The following MAMDC2 variants were observed in gnomAD, a reference collection of about 807,000 sequenced individuals.
MAMDC2 encodes the protein MAM domain containing 2.
Under a neutral mutation model 89.8 loss-of-function variants are expected in MAMDC2, and 57 were observed. That is an observed-to-expected ratio of 0.63 (90% CI 0.51 to 0.79). The LOEUF (loss-of-function observed/expected upper bound fraction) is 0.79, where lower values mean the gene tolerates loss of function less well. Among genes scored for constraint, MAMDC2 ranks in the 30% least tolerant of loss-of-function variants. The pLI, the probability that MAMDC2 is intolerant of heterozygous loss-of-function variation, is 0.00. For missense variants in MAMDC2, 800 were observed against 820.6 expected, an observed-to-expected ratio of 0.97 and a Z score of 0.31; for synonymous variants, 313 against 293.4, an observed-to-expected ratio of 1.07 and a Z score of -0.68.
At chr9:70,162,846 T>C (rs1258701731) in intron 9 of MAMDC2, among the ~76,000 whole-genome samples, 1 of 149,930 alleles carries the variant, frequency 6.7e-6, no homozygotes, top group African/African-American at 2.5e-5. Flanking sequence ...TCTGACCCCT[T>C]GGACTAACAC....
intron 11 of MAMDC2, 147 bp downstream of exon 11, chr9:70,170,778 G>A: frequency 1.5e-6 from 1 of 677,660 alleles, no homozygotes; most frequent in Non-Finnish European, 2.3e-6. Context: ...AGGATGATTT[G>A]ATATGGGCAT....
At chr9:70,190,206 C>G (rs1262438919) in intron 11 of MAMDC2, among the ~76,000 whole-genome samples, 1 of 152,086 alleles carries the variant, frequency 6.6e-6, no homozygotes, top group Non-Finnish European at 1.5e-5. Flanking sequence ...TACAGTTTTA[C>G]AGATTCTTCT....
intron 6 of MAMDC2, among the ~76,000 whole-genome samples, chr9:70,128,791 G>T (rs1479180445): frequency 6.6e-6 from 1 of 152,058 alleles, no homozygotes; most frequent in African/African-American, 2.4e-5. Flanking sequence ...CAAGTAGTTG[G>T]GACTACAGGC....
chr9:70,121,195 C>T (rs1051969984), intron 5 of MAMDC2, among the ~76,000 whole-genome samples: 4 of 152,212 alleles, frequency 2.6e-5, no homozygotes, highest in African/African-American at 9.7e-5. Flanking sequence ...AGTTCTTTCC[C>T]TAATGCAAGG....
chr9:70,159,166 TA>T (rs768713793), intron 9 of MAMDC2, among the ~76,000 whole-genome samples: 2 of 152,152 alleles, frequency 1.3e-5, no homozygotes, highest in Non-Finnish European at 2.9e-5. Flanking sequence ...CACAATGTTT[TA>T]ATAACAATTT....
intron 10 of MAMDC2, 172 bp from the exon 11 acceptor site, chr9:70,170,307 T>A: frequency 1.9e-6 from 1 of 539,624 alleles, no homozygotes; most frequent in East Asian, 3.2e-5. Flanking sequence ...CGCAGTGGAA[T>A]GCAGCCTCTA....
chr9:70,122,338 G>A (rs1487792122), intron 5 of MAMDC2, among the ~76,000 whole-genome samples: 2 of 152,196 alleles, frequency 1.3e-5, no homozygotes, highest in Admixed American at 6.5e-5. Flanking sequence ...CTGAGCACAA[G>A]TTGCTAGTGA....
In MAMDC2 at chr9:70,226,191, C is replaced by T. The variant is rs2118709964; in HGVS notation, c.*159C>T. The T allele has an allele frequency of 2.1e-6, 1 of 468,128 alleles. No homozygotes were observed. Among genetic ancestry groups the T allele is most frequent in the East Asian group, 3.5e-5 (1 of 28,714 alleles). The allele number at this position is 468,128 out of a possible 1,614,324, so 29.0% of individuals were successfully genotyped here. On this transcript the variant is annotated 3_prime_UTR_variant, in exon 14 of 14. Transcript: ENST00000377182. ...TTACTTTTGCAAAAACATACTGACT[C>T]AGGGCTCTTTTTTTCTTTTTGCATA...
At chr9:70,133,546 C>T (rs1248287870) in intron 7 of MAMDC2, among the ~76,000 whole-genome samples, 1 of 152,204 alleles carries the variant, frequency 6.6e-6, no homozygotes, top group Non-Finnish European at 1.5e-5. Context: ...TCCCACTATG[C>T]CAGCTTGGCT....
intron 11 of MAMDC2, chr9:70,188,757 A>G (rs2032814210): frequency 7.0e-5 from 5 of 71,622 alleles, no homozygotes; most frequent in East Asian, 5.7e-4. Context: ...TGATCAAAAC[A>G]ATTGATTTTT....
chr9:70,106,708 G>A (rs1158533230), intron 2 of MAMDC2, among the ~76,000 whole-genome samples: 1 of 152,202 alleles, frequency 6.6e-6, no homozygotes, highest in Non-Finnish European at 1.5e-5. Flanking sequence ...AAGGGTGCCT[G>A]GGTTGGCATC....
In MAMDC2 at chr9:70,180,227, G is replaced by A. The variant is rs1038160938; in HGVS notation, c.1651+9596G>A. 5.9e-5 allele frequency among the ~76,000 whole-genome samples: 9 copies of A among 152,050 alleles called. 1 individual carries two copies. In the South Asian group the frequency reaches 1.0e-3, roughly 17 times the overall value. ...TTTATGGCTGCATAGTATTTCATGGGGTATATGTGCCACATTTTCTTTATC... is the reference window on the plus strand; with the variant it reads ...TTTATGGCTGCATAGTATTTCATGGAGTATATGTGCCACATTTTCTTTATC... On this transcript the variant is annotated intron_variant, in intron 11 of 13. Transcript: ENST00000377182.
At chr9:70,099,898 C>T (rs2118214525) in intron 2 of MAMDC2, among the ~76,000 whole-genome samples, 1 of 151,112 alleles carries the variant, frequency 6.6e-6, no homozygotes, top group African/African-American at 2.4e-5. Context: ...TCGCTTGAAC[C>T]TGGGAGGTGG....
chr9:70,208,842 GGCT>G (rs2033287601), intron 11 of MAMDC2, among the ~76,000 whole-genome samples: 1 of 152,110 alleles, frequency 6.6e-6, no homozygotes, highest in Non-Finnish European at 1.5e-5. Flanking sequence ...TAGCATGAAG[GGCT>G]GCTGAATTTT....
At chr9:70,217,053 G>C in intron 11 of MAMDC2, 1 of 439,784 alleles carries the variant, frequency 2.3e-6, no homozygotes, top group Non-Finnish European at 4.1e-6. Flanking sequence ...TCTACATGCC[G>C]ATTAATCCTG....
chr9:70,048,012 G>C (rs912187690), intron 2 of MAMDC2, among the ~76,000 whole-genome samples: 1 of 152,132 alleles, frequency 6.6e-6, no homozygotes, highest in African/African-American at 2.4e-5. Flanking sequence ...GTGTTGGCTT[G>C]GGTTATTTAT....
intron 9 of MAMDC2, among the ~76,000 whole-genome samples, chr9:70,159,232 A>G (rs1391724128): frequency 6.6e-6 from 1 of 152,192 alleles, no homozygotes; most frequent in African/African-American, 2.4e-5. Context: ...TTACATAACA[A>G]TTCTACATCT....
chr9:70,069,559 C>A (rs557890067), intron 2 of MAMDC2, among the ~76,000 whole-genome samples: 1 of 152,226 alleles, frequency 6.6e-6, no homozygotes, highest in African/African-American at 2.4e-5. Context: ...AATAGGATAC[C>A]TGATAAGTTT....
chr9:70,143,455 A>G (rs2031293842), intron 8 of MAMDC2, 99 bp from the exon 9 acceptor site: 3 of 1,333,812 alleles, frequency 2.2e-6, no homozygotes, highest in South Asian at 1.4e-5. Context: ...AGCATAGCTG[A>G]TAGTCTTTGC....
Sources: allele counts gnomAD v4.1 joint callset (sites outside exome capture counted in the v4.1 genomes callset), GRCh38; gene constraint gnomAD v4.1.1; transcripts MANE v1.5; gene names NCBI Gene and HGNC (gene_info 2026-07-23, HGNC 2026-07-21).